TVP23A: variants seen among roughly 807,000 people sequenced by gnomAD.
TVP23A encodes trans-golgi network vesicle protein 23 homolog A, also known as Golgi apparatus membrane protein TVP23 homolog A.
In TVP23A, 21 loss-of-function variants were observed where a neutral mutation model predicts 31.7. That is an observed-to-expected ratio of 0.66 (90% CI 0.47 to 0.95). TVP23A has a LOEUF of 0.95. TVP23A is among the 40% of genes least tolerant of loss of function. The pLI, the probability that TVP23A is intolerant of heterozygous loss-of-function variation, is 0.00. For missense variants in TVP23A, 279 were observed against 255.6 expected (o/e 1.09, Z -0.62); for synonymous variants, 104 against 96.0 (o/e 1.08, Z -0.49).
chr16:10,775,429 G>A lies in TVP23A; in HGVS notation c.90-333C>T. On this transcript the variant is annotated intron_variant, in intron 2 of 7. Coordinates refer to ENST00000299866, the MANE Select transcript of TVP23A (RefSeq NM_001079512.4). ...GCAGTCACTGCCTTCCCGCCTAGCA[G>A]AGATGACGGCCAGTTCCCTAAAGGT... 6 of 1,104,564 alleles carry A rather than the reference G, an allele frequency of 5.4e-6. No homozygotes were observed. In the South Asian group the frequency reaches 8.2e-5, roughly 15 times the overall value. 68.4% of individuals were successfully genotyped at this position (1,104,564 alleles called of 1,614,324 possible). A position where few individuals can be genotyped will look rare whatever the true frequency, so the allele number is the denominator to read the frequency against.
Position 10,774,147 on chromosome 16 carries a change from G to A in TVP23A, c.235-19C>T, listed in dbSNP as rs756907270. 1.9e-6 allele frequency: 3 copies of A among 1,590,750 alleles called. No individual in the cohort carries two copies. The highest frequency in any genetic ancestry group is 2.3e-5 in the South Asian group (2 of 88,172). On this transcript the variant is annotated intron_variant, in intron 3 of 7. Coordinates refer to ENST00000299866, the MANE Select transcript of TVP23A (RefSeq NM_001079512.4). ...TTACATTCTGAGAACAATAGACAAA[G>A]GACTCTGAGCAGGTCACAGGCAAAG... is the stretch of plus-strand genomic sequence containing the variant.
intron 5 of TVP23A, among the ~76,000 whole-genome samples, 192 bp downstream of exon 5, chr16:10,773,121 G>C (rs1254391902): frequency 2.6e-5 from 4 of 152,248 alleles, no homozygotes; most frequent in Admixed American, 2.6e-4. Flanking sequence ...GGGATTATAG[G>C]CGTAAGCCAC....
chr16:10,767,286 T>A lies in TVP23A; in HGVS notation c.*1816A>T. On this transcript the variant is annotated 3_prime_UTR_variant, in exon 8 of 8. Transcript: ENST00000299866. The surrounding 1 kb of genome is among the most constrained non-coding windows in gnomAD (Gnocchi z 4.6). ...CTGTCCACCTGGCTCTGGGATAACA[T>A]GGTCCTAGAGAAACCTGGGTGTGCA... 2.5e-6 allele frequency: 1 copy of A among 399,140 alleles called. No individual in the cohort carries two copies. Among genetic ancestry groups the A allele is most frequent in the Non-Finnish European group, 4.4e-6 (1 of 226,514 alleles). The allele number at this position is 399,140 out of a possible 1,614,324, so 24.7% of individuals were successfully genotyped here.
intron 2 of TVP23A, among the ~76,000 whole-genome samples, chr16:10,813,869 C>T (rs9889221): frequency 4.0e-5 from 6 of 151,796 alleles, no homozygotes; most frequent in African/African-American, 1.2e-4. Context: ...CGTGGTGGCA[C>T]GCACCTGTAA....
chr16:10,786,714 ACTGGGGATGGGCATTGGGAACCTGGTGAT>A (rs2032773903), intron 2 of TVP23A, among the ~76,000 whole-genome samples: 2 of 456 alleles, frequency 4.4e-3, no homozygotes, highest in African/African-American at 0.014. Flanking sequence ...CCTGGTGATG[ACTGGGGATGGGCATTGGGAACCTGGTGAT>A]GACTGGGGAT....
At chr16:10,761,665 T>C (rs79754840) in intron 8 of TVP23A, 2 of 173,182 alleles carry the variant, frequency 1.2e-5, no homozygotes, top group Non-Finnish European at 2.2e-5. Flanking sequence ...AAACTAAGCC[T>C]TTTTTTTTTT....
At chr16:10,787,502 T>C (rs886711156) in intron 2 of TVP23A, among the ~76,000 whole-genome samples, 5 of 152,076 alleles carry the variant, frequency 3.3e-5, no homozygotes, top group Non-Finnish European at 5.9e-5. Context: ...GCAGGCAACA[T>C]GGCACCAGCC....
intron 2 of TVP23A, among the ~76,000 whole-genome samples, chr16:10,802,090 A>C (rs2033719267): frequency 7.0e-6 from 1 of 142,758 alleles, no homozygotes; most frequent in Admixed American, 6.7e-5. Flanking sequence ...AGTTTAGAGA[A>C]CAAATACACA....
chr16:10,799,490 C>G (rs773326711), intron 2 of TVP23A, among the ~76,000 whole-genome samples: 38 of 152,150 alleles, frequency 2.5e-4, no homozygotes, highest in Non-Finnish European at 5.4e-4. Flanking sequence ...CCTACTACCA[C>G]GCCTGACTAA....
At position 10,767,988 on chromosome 16, in the gene TVP23A, C is replaced by A; in HGVS notation, c.*1114G>T. 1.2e-6 allele frequency: 2 copies of A among 1,613,910 alleles called. No homozygotes were observed. Among genetic ancestry groups the A allele is most frequent in the East Asian group, 4.5e-5 (2 of 44,896 alleles). On this transcript the variant is annotated 3_prime_UTR_variant, in exon 8 of 8. Transcript: ENST00000299866. This position sits in a 1 kb window ranked among gnomAD's most constrained non-coding sequence, Gnocchi z 4.6. ...AAAGGCCAGTCTTTTTTCATTGACG[C>A]CCCAGATTCCCCAGCCACGTTAGCC... is the stretch of plus-strand genomic sequence containing the variant.
chr16:10,769,819 T>C (rs1221985130), intron 7 of TVP23A, among the ~76,000 whole-genome samples: 1 of 152,186 alleles, frequency 6.6e-6, no homozygotes, highest in Non-Finnish European at 1.5e-5. Context: ...ATGTAAACTC[T>C]ACGATCATCC....
At chr16:10,770,159 C>T in intron 7 of TVP23A, 113 bp downstream of exon 7, 1 of 1,332,628 alleles carries the variant, frequency 7.5e-7, no homozygotes, top group Non-Finnish European at 1.0e-6. Context: ...ACATGCCTGG[C>T]CACCCCAGGG....
intron 2 of TVP23A, chr16:10,775,334 T>C (rs1424956336): frequency 7.5e-7 from 1 of 1,325,166 alleles, no homozygotes; most frequent in Non-Finnish European, 9.7e-7. Flanking sequence ...TCCAGTACTT[T>C]CCCGCCACTT....
At chr16:10,764,156 C>A (rs1399039802), downstream of TVP23A, among the ~76,000 whole-genome samples, 1 of 152,240 alleles carries the variant, frequency 6.6e-6, no homozygotes, top group African/African-American at 2.4e-5. Flanking sequence ...GCATCTCAGC[C>A]CACAGGAGTA....
At chr16:10,797,265 G>T (rs746452018) in intron 2 of TVP23A, among the ~76,000 whole-genome samples, 1 of 152,024 alleles carries the variant, frequency 6.6e-6, no homozygotes, top group East Asian at 1.9e-4. Flanking sequence ...CAGGCGCAGT[G>T]GTTCATGGCC....
chr16:10,791,666 G>T (rs949255048), intron 2 of TVP23A, among the ~76,000 whole-genome samples: 1 of 152,170 alleles, frequency 6.6e-6, no homozygotes, highest in Admixed American at 6.5e-5. Context: ...GGAGTGCAGT[G>T]GCACAATCTT....
At chr16:10,762,621 G>T (rs1036590905), downstream of TVP23A, among the ~76,000 whole-genome samples, 2 of 152,224 alleles carry the variant, frequency 1.3e-5, no homozygotes, top group Non-Finnish European at 2.9e-5. Flanking sequence ...TCGCCTTTAG[G>T]TCTGAGGGGA....
intron 2 of TVP23A, among the ~76,000 whole-genome samples, chr16:10,815,090 C>T (rs1245767954): frequency 6.6e-6 from 1 of 152,268 alleles, no homozygotes; most frequent in East Asian, 1.9e-4. Context: ...CCTATCCCAG[C>T]GTTTAAAATA....
At chr16:10,802,169 C>A (rs1256600331) in intron 2 of TVP23A, among the ~76,000 whole-genome samples, 2 of 151,404 alleles carry the variant, frequency 1.3e-5, no homozygotes, top group African/African-American at 4.9e-5. Context: ...CTGGAAGAGG[C>A]TCCTACTGGT....
Sources: allele counts gnomAD v4.1 joint callset (sites outside exome capture counted in the v4.1 genomes callset), GRCh38; gene constraint gnomAD v4.1.1; non-coding constraint Gnocchi (gnomAD v3.1); transcripts MANE v1.5; gene names NCBI Gene and HGNC (gene_info 2026-07-23, HGNC 2026-07-21).